The following STK25 variants were observed in gnomAD, a reference collection of about 807,000 sequenced individuals.
The protein encoded by STK25 is serine/threonine-protein kinase 25.
STK25 carries 29 observed loss-of-function variants against 53.8 expected under a neutral mutation model. The observed-to-expected ratio is 0.54, with a 90% confidence interval of 0.40 to 0.74. The LOEUF is 0.74. Ranked by LOEUF, STK25 falls within the 30% of genes least tolerant of loss-of-function variation. The pLI is 0.00. For missense variants in STK25, 420 were observed against 568.0 expected (o/e 0.74, Z 2.65); for synonymous variants, 247 against 238.3 (o/e 1.04, Z -0.33).
At chr2:241,504,998 C>T (rs566948430) in intron 2 of STK25, among the ~76,000 whole-genome samples, 1 of 151,596 alleles carries the variant, frequency 6.6e-6, no homozygotes, top group Non-Finnish European at 1.5e-5. Flanking sequence ...CTCACTGCAA[C>T]CTCCGCCTCC....
At chr2:241,508,937 T>TAC (rs2066019561), upstream of STK25, among the ~76,000 whole-genome samples, 1 of 151,978 alleles carries the variant, frequency 6.6e-6, no homozygotes, top group South Asian at 2.1e-4. Flanking sequence ...CGCGCGGCCC[T>TAC]CTCCCTTGGG....
Position 241,508,532 on chromosome 2 carries a change from C to T in STK25, c.-190G>A. On this transcript the variant is annotated 5_prime_UTR_variant, in exon 1 of 12. Coordinates refer to ENST00000316586, the MANE Select transcript of STK25 (RefSeq NM_001271977.2). ...GCAGCCTCTGTTCGCCCGGGGACCC[C>T]GGGCCTCCCAGCCCGCGAAGCAACG... The T allele has an allele frequency of 1.0e-6, 1 of 1,002,154 alleles. No individual in the cohort carries two copies. Among genetic ancestry groups the T allele is most frequent in the Non-Finnish European group, 1.2e-6 (1 of 839,758 alleles). 62.1% of individuals were successfully genotyped at this position (1,002,154 alleles called of 1,614,324 possible).
At chr2:241,503,889 C>A in intron 2 of STK25, 1 of 410,956 alleles carries the variant, frequency 2.4e-6, no homozygotes, top group Non-Finnish European at 5.1e-6. Context: ...GCTGGGTCCA[C>A]CCCAGGCCTA....
At chr2:241,504,979 T>C (rs1399489431) in intron 2 of STK25, among the ~76,000 whole-genome samples, 1 of 151,218 alleles carries the variant, frequency 6.6e-6, no homozygotes, top group Non-Finnish European at 1.5e-5. Flanking sequence ...TGCAGTGGCG[T>C]GATCTCGGCT....
At chr2:241,495,805 G>A (rs529963153) in intron 11 of STK25, 104 bp from the exon 12 acceptor site, 53 of 1,182,534 alleles carry the variant, frequency 4.5e-5, no homozygotes, top group Middle Eastern at 4.9e-4. Context: ...ACAAGCCACC[G>A]CACCACGTGG....
intron 2 of STK25, among the ~76,000 whole-genome samples, chr2:241,502,938 A>G (rs1364834541): frequency 6.6e-6 from 1 of 152,232 alleles, no homozygotes; most frequent in Non-Finnish European, 1.5e-5. Flanking sequence ...TGCCTCACAC[A>G]GTCCTCAGAT....
Position 241,496,556 on chromosome 2 carries a change from T to C in STK25, c.1105-22A>G. 1 of 1,609,446 alleles carries C rather than the reference T, an allele frequency of 6.2e-7. No individual in the cohort carries two copies. The highest frequency in any genetic ancestry group is 1.3e-5 in the African/African-American group (1 of 74,972). On this transcript the variant is annotated intron_variant, in intron 10 of 11. Coordinates refer to ENST00000316586, the MANE Select transcript of STK25 (RefSeq NM_001271977.2). The surrounding 1 kb of genome is among the most constrained non-coding windows in gnomAD (Gnocchi z 5.8). ...TGAGCTGTGAAAAGACCACCACGCCTGACCCTGGACCCCAGGACAGGCCTT... is the reference window on the plus strand; with the variant it reads ...TGAGCTGTGAAAAGACCACCACGCCCGACCCTGGACCCCAGGACAGGCCTT...
rs1300805514 is a variant in STK25, at chr2:241,496,198, C to T, written c.1241+200G>A. Among the ~76,000 whole-genome samples the T allele has an allele frequency of 1.3e-5, 2 of 152,134 alleles. No homozygotes were observed. Among genetic ancestry groups the T allele is most frequent in the Non-Finnish European group, 2.9e-5 (2 of 68,012 alleles). On this transcript the variant is annotated intron_variant, in intron 11 of 11. Coordinates refer to ENST00000316586, the MANE Select transcript of STK25 (RefSeq NM_001271977.2). This position sits in a 1 kb window ranked among gnomAD's most constrained non-coding sequence, Gnocchi z 5.8. ...TTAGACTGGAAAGGCCCTGCCCACT[C>T]TCTCCAGCCCCAAAGTCTCCATGGC...
In STK25 at chr2:241,496,275, G is replaced by C. The variant is rs1176765136; in HGVS notation, c.1241+123C>G. 4 of 1,247,222 alleles carry C rather than the reference G, an allele frequency of 3.2e-6. No homozygotes were observed. The highest frequency in any genetic ancestry group is 4.5e-6 in the Non-Finnish European group (4 of 888,648). 77.3% of individuals were successfully genotyped at this position (1,247,222 alleles called of 1,614,324 possible). On this transcript the variant is annotated intron_variant, in intron 11 of 11. Coordinates refer to ENST00000316586, the MANE Select transcript of STK25 (RefSeq NM_001271977.2). This position sits in a 1 kb window ranked among gnomAD's most constrained non-coding sequence, Gnocchi z 5.8. ...GAGGATGCCACGCCGCGCCTTCCCA[G>C]AGTGAAGCGAGCCCATGTAGTGCCA... is the stretch of plus-strand genomic sequence containing the variant.
chr2:241,500,717 C>T (rs769451355), intron 4 of STK25, 23 bp downstream of exon 4: 1 of 1,612,952 alleles, frequency 6.2e-7, no homozygotes, highest in Admixed American at 1.7e-5. Context: ...CATGACCCCC[C>T]ACTGCCATGG....
At position 241,495,570 on chromosome 2, in the gene STK25, A is replaced by G; in HGVS notation, c.*92T>C. On this transcript the variant is annotated 3_prime_UTR_variant, in exon 12 of 12. Transcript: ENST00000316586. ...CGACGTGTCCCTGCAGGCACGACAT[A>G]GCACAGGGCACCTTCCAAGTCAGCA... The G allele has an allele frequency of 6.9e-7, 1 of 1,452,080 alleles. No homozygotes were observed. Among genetic ancestry groups the G allele is most frequent in the Non-Finnish European group, 9.7e-7 (1 of 1,033,880 alleles). The allele number at this position is 1,452,080 out of a possible 1,614,324, so 89.9% of individuals were successfully genotyped here. A position where few individuals can be genotyped will look rare whatever the true frequency, so the allele number is the denominator to read the frequency against.
rs2065937792 is a variant in STK25, at chr2:241,507,857, CCT to C, written c.30+147_30+148del. ...GAGCCCCGGGGCCGCCCTGCGCCCA[CCT>C]CAGGACGGCTCCGCTGGTCGCACGA... On this transcript the variant is annotated intron_variant, in intron 2 of 11. Transcript: ENST00000316586. 36 of 833,362 alleles carry C rather than the reference CCT, an allele frequency of 4.3e-5. No individual in the cohort carries two copies. In the South Asian group the frequency reaches 5.8e-4, roughly 13 times the overall value. 51.6% of individuals were successfully genotyped at this position (833,362 alleles called of 1,614,324 possible). A position where few individuals can be genotyped will look rare whatever the true frequency, so the allele number is the denominator to read the frequency against.
Position 241,499,064 on chromosome 2 carries a change from T to C in STK25, c.696A>G (p.Pro232=). Residue 232 remains proline (P), a synonymous_variant, in exon 7 of 12, where the codon CCA becomes CCG. Transcript: ENST00000316586. ...RVLFLIPKNS[P]PTLEGQHSKP... Reference sequence around the variant, plus strand: ...TGCTGTGCTGGCCCTCCAGTGTGGGTGGGCTGTTCTTGGGAATCAGGAACA... The same window carrying C: ...TGCTGTGCTGGCCCTCCAGTGTGGGCGGGCTGTTCTTGGGAATCAGGAACA... 6.2e-7 allele frequency: 1 copy of C among 1,614,004 alleles called. No homozygotes were observed. The highest frequency in any genetic ancestry group is 8.5e-7 in the Non-Finnish European group (1 of 1,179,972).
intron 8 of STK25, 49 bp downstream of exon 8, chr2:241,498,590 C>T (rs2124960817): frequency 1.3e-6 from 2 of 1,575,940 alleles, no homozygotes; most frequent in East Asian, 4.5e-5. Context: ...GTGGGGACCA[C>T]CCACGTCACA....
chr2:241,501,939 A>C lies in STK25; in HGVS notation c.31-231T>G. 2.2e-6 allele frequency: 1 copy of C among 463,434 alleles called. No homozygotes were observed. The highest frequency in any genetic ancestry group is 4.3e-5 in the East Asian group (1 of 23,396). The allele number at this position is 463,434 out of a possible 1,614,324, so 28.7% of individuals were successfully genotyped here. Reference sequence around the variant, plus strand: ...TTCTAGCACTTTGGGAGGCCGAGGCAGGTGGATCACTTGAGGTCAGGAGTT... The same window carrying C: ...TTCTAGCACTTTGGGAGGCCGAGGCCGGTGGATCACTTGAGGTCAGGAGTT... On this transcript the variant is annotated intron_variant, in intron 2 of 11. Coordinates refer to ENST00000316586, the MANE Select transcript of STK25 (RefSeq NM_001271977.2). This position sits in a 1 kb window ranked among gnomAD's most constrained non-coding sequence, Gnocchi z 5.3.
intron 1 of STK25, 114 bp from the exon 2 acceptor site, chr2:241,508,249 G>T (rs1429055044): frequency 7.7e-7 from 1 of 1,305,446 alleles, no homozygotes; most frequent in Non-Finnish European, 9.7e-7. Flanking sequence ...GGCCGCCGGG[G>T]CCCCGCCACG....
chr2:241,497,855 C>G (rs934747225), intron 9 of STK25, among the ~76,000 whole-genome samples, 168 bp from the exon 10 acceptor site: 1 of 151,740 alleles, frequency 6.6e-6, no homozygotes, highest in African/African-American at 2.4e-5. Context: ...GATGGCCTGA[C>G]TCTGAGGGCG....
intron 4 of STK25, 26 bp downstream of exon 4, chr2:241,500,714 C>G: frequency 6.2e-7 from 1 of 1,612,590 alleles, no homozygotes; most frequent in Non-Finnish European, 8.5e-7. Flanking sequence ...CTGCATGACC[C>G]CCCACTGCCA....
At chr2:241,504,488 T>A (rs929078618) in intron 2 of STK25, among the ~76,000 whole-genome samples, 2 of 152,090 alleles carry the variant, frequency 1.3e-5, no homozygotes, top group African/African-American at 4.8e-5. Flanking sequence ...CCCAGCCCCA[T>A]CACTGCTGCT....
Sources: allele counts gnomAD v4.1 joint callset (sites outside exome capture counted in the v4.1 genomes callset), GRCh38; gene constraint gnomAD v4.1.1; non-coding constraint Gnocchi (gnomAD v3.1); transcripts MANE v1.5; gene names NCBI Gene and HGNC (gene_info 2026-07-23, HGNC 2026-07-21).